Variants in TP53BP1 observed in about 807,000 individuals in gnomAD.
The protein encoded by TP53BP1 is TP53-binding protein 1.
In TP53BP1, 61 loss-of-function variants were observed where a neutral mutation model predicts 200.8. The ratio of observed to expected loss-of-function variants is 0.30; its 90% CI spans 0.25 to 0.38. The LOEUF is 0.38. Ranked by LOEUF, TP53BP1 falls within the 10% of genes least tolerant of loss-of-function variation. The pLI is 1.00. For missense variants in TP53BP1, 2,144 were observed against 2,371.9 expected (o/e 0.90, Z 2.00); for synonymous variants, 822 against 844.3 (o/e 0.97, Z 0.46).
At position 43,479,989 on chromosome 15, in the gene TP53BP1, C is replaced by T. The variant is rs1254946590; in HGVS notation, c.528G>A (p.Gly176=). 6.2e-7 allele frequency: 1 copy of T among 1,614,048 alleles called. No homozygotes were observed. The stretch of plus-strand genomic sequence containing the variant: ...CCTGGCTCTGGGAGAGTTCCAGAAC[C>T]CCAAAACCCAACTGTGATGAGGCAG... ...EDTASSQLGF[G]VLELSQSQDV... is the part of the protein sequence containing the mutation. Residue 176 remains glycine (G), a synonymous_variant, in exon 6 of 28, where the codon GGG becomes GGA. Coordinates refer to ENST00000382044, the MANE Select transcript of TP53BP1 (RefSeq NM_001141980.3).
At chr15:43,411,779 G>A (rs1208245877) in intron 24 of TP53BP1, among the ~76,000 whole-genome samples, 3 of 152,174 alleles carry the variant, frequency 2.0e-5, no homozygotes, top group East Asian at 1.9e-4. Flanking sequence ...TACATCTCAC[G>A]CAGGCACACG....
In TP53BP1 at chr15:43,492,360, T is replaced by A; in HGVS notation, c.116A>T (p.Asp39Val). 6.2e-7 allele frequency: 1 copy of A among 1,614,110 alleles called. No individual in the cohort carries two copies. The highest frequency in any genetic ancestry group is 8.5e-7 in the Non-Finnish European group (1 of 1,179,972). The change falls in exon 2 of 28, where the codon GAT becomes GTT. Residue 39 changes from aspartate to valine, a missense_variant. Transcript: ENST00000382044. Reference sequence around the variant, plus strand: ...CATACTGAAGTGAGAACCAGAATCATCCTCTAGAACCTGGCTTTCAGGCTG... The same window carrying A: ...CATACTGAAGTGAGAACCAGAATCAACCTCTAGAACCTGGCTTTCAGGCTG... ...DSQPESQVLE[D>V]DSGSHFSMLS...
chr15:43,407,638 T>G, intron 27 of TP53BP1, 68 bp from the exon 28 acceptor site: 2 of 1,465,068 alleles, frequency 1.4e-6, no homozygotes, highest in African/African-American at 1.4e-5. Context: ...GAAAGAGAGA[T>G]TTGATTCTAA....
At chr15:43,474,455 CAAAAAAAAAAAAAA>C (rs398043214) in intron 10 of TP53BP1, among the ~76,000 whole-genome samples, 1 of 79,144 alleles carries the variant, frequency 1.3e-5, no homozygotes, top group African/African-American at 3.7e-5. Context: ...TGGGGTTAGA[CAAAAAAAAAAAAAA>C]AAAAAGGAAG....
intron 1 of TP53BP1, among the ~76,000 whole-genome samples, chr15:43,507,440 A>C (rs1024527840): frequency 6.6e-6 from 1 of 152,194 alleles, no homozygotes; most frequent in Non-Finnish European, 1.5e-5. Flanking sequence ...CAGCTAGTCC[A>C]ATTCTTTGTT....
rs1468703001 is a variant in TP53BP1 at position 43,406,773 on chromosome 15, T to A, written c.*610A>T. 2.8e-6 allele frequency: 1 copy of A among 360,354 alleles called. No individual in the cohort carries two copies. The highest frequency in any genetic ancestry group is 5.4e-6 in the Non-Finnish European group (1 of 184,360). The allele number at this position is 360,354 out of a possible 1,614,324, so 22.3% of individuals were successfully genotyped here. On this transcript the variant is annotated 3_prime_UTR_variant, in exon 28 of 28. Coordinates refer to ENST00000382044, the MANE Select transcript of TP53BP1 (RefSeq NM_001141980.3). ...CAGGTGTTCTCACTTGTGCTTCCCA[T>A]GTTTATCTTACGGAAGGTCATTCCA...
intron 11 of TP53BP1, among the ~76,000 whole-genome samples, chr15:43,458,634 G>C (rs955513467): frequency 6.6e-6 from 1 of 151,690 alleles, no homozygotes; most frequent in Non-Finnish European, 1.5e-5. Flanking sequence ...TTAAAAATTA[G>C]CCAGGCATGG....
At position 43,405,892 on chromosome 15, in the gene TP53BP1, T is replaced by C. The variant is rs889251989; in HGVS notation, c.*1491A>G. The C allele has an allele frequency of 6.6e-6, 1 of 151,880 alleles. No homozygotes were observed. Among genetic ancestry groups the C allele is most frequent in the African/African-American group, 2.4e-5 (1 of 41,336 alleles). 9.4% of individuals were successfully genotyped at this position (151,880 alleles called of 1,614,324 possible). A position where few individuals can be genotyped will look rare whatever the true frequency, so the allele number is the denominator to read the frequency against. ...TCGATTCTACTAAAAATACAAAAAT[T>C]AGCCAGGTGTGGTGGCATGTGCCTG... is the stretch of plus-strand genomic sequence containing the variant. On this transcript the variant is annotated 3_prime_UTR_variant, in exon 28 of 28. Transcript: ENST00000382044.
intron 4 of TP53BP1, 32 bp downstream of exon 4, chr15:43,491,637 C>CT (rs1296898557): frequency 1.4e-6 from 2 of 1,481,436 alleles, no homozygotes; most frequent in Non-Finnish European, 1.9e-6. Flanking sequence ...TCTGATAATA[C>CT]ATTTAAATAA....
intron 11 of TP53BP1, among the ~76,000 whole-genome samples, chr15:43,460,878 T>C (rs1325599913): frequency 6.6e-6 from 1 of 151,136 alleles, no homozygotes; most frequent in Non-Finnish European, 1.5e-5. Flanking sequence ...AAAAAAACAT[T>C]AGCTGAGTGT....
Position 43,491,553 on chromosome 15 carries a change from T to A in TP53BP1, c.371+116A>T, listed in dbSNP as rs556729619. On this transcript the variant is annotated intron_variant, in intron 4 of 27. Coordinates refer to ENST00000382044, the MANE Select transcript of TP53BP1 (RefSeq NM_001141980.3). ...TATCTAATACAACCCTCAAGTCCCA[T>A]TTCCTAATCCACAAGAAAGAGATTA... 2.0e-4 allele frequency: 161 copies of A among 822,276 alleles called. No individual in the cohort carries two copies. In the South Asian group the frequency reaches 2.1e-3, roughly 11 times the overall value. 50.9% of individuals were successfully genotyped at this position (822,276 alleles called of 1,614,324 possible).
chr15:43,482,779 A>C (rs1338578177), intron 4 of TP53BP1, among the ~76,000 whole-genome samples: 3 of 152,090 alleles, frequency 2.0e-5, no homozygotes, highest in Non-Finnish European at 4.4e-5. Context: ...AAAAAAAAAA[A>C]ATTTAACCAG....
chr15:43,428,969 A>T (rs2045612729), intron 17 of TP53BP1, among the ~76,000 whole-genome samples: 1 of 152,214 alleles, frequency 6.6e-6, no homozygotes, highest in Non-Finnish European at 1.5e-5. Flanking sequence ...ACTGCTGGAA[A>T]ATTCAGGACA....
At position 43,404,342 on chromosome 15, in the gene TP53BP1, T is replaced by TCCG. The variant is rs1424886669; in HGVS notation, c.*3038_*3040dup. The TCCG allele has an allele frequency of 6.3e-7, 1 of 1,581,306 alleles. No homozygotes were observed. The highest frequency in any genetic ancestry group is 1.4e-5 in the African/African-American group (1 of 74,040). On this transcript the variant is annotated 3_prime_UTR_variant, in exon 28 of 28. Coordinates refer to ENST00000382044, the MANE Select transcript of TP53BP1 (RefSeq NM_001141980.3). ...AAGGCTTTTCCAAGAAACTCCTCCC[T>TCCG]CCGCCCCCATCCTCCATATGGAGAG...
At chr15:43,484,323 C>T (rs2079016214) in intron 4 of TP53BP1, among the ~76,000 whole-genome samples, 1 of 152,180 alleles carries the variant, frequency 6.6e-6, no homozygotes, top group Non-Finnish European at 1.5e-5. Context: ...TCTCACCATT[C>T]TTCATCTGCT....
intron 23 of TP53BP1, chr15:43,414,045 T>C (rs2045201654): frequency 4.4e-6 from 2 of 452,144 alleles, no homozygotes; most frequent in Admixed American, 2.6e-5. Flanking sequence ...AAAAAACAGA[T>C]ACCTGACCTG....
At chr15:43,502,262 G>T (rs2079213259) in intron 1 of TP53BP1, among the ~76,000 whole-genome samples, 1 of 152,108 alleles carries the variant, frequency 6.6e-6, no homozygotes, top group Non-Finnish European at 1.5e-5. Flanking sequence ...GTTCAAGGTT[G>T]CAGTGAGCTA....
chr15:43,431,353 A>G (rs1432853284), intron 17 of TP53BP1, among the ~76,000 whole-genome samples: 1 of 152,120 alleles, frequency 6.6e-6, no homozygotes, highest in Non-Finnish European at 1.5e-5. Flanking sequence ...ACTCAATGAA[A>G]TGTTGTGAAC....
In TP53BP1 at chr15:43,456,094, A is replaced by T; in HGVS notation, c.2514T>A (p.Pro838=). 6.2e-7 allele frequency: 1 copy of T among 1,614,206 alleles called. No homozygotes were observed. The highest frequency in any genetic ancestry group is 8.5e-7 in the Non-Finnish European group (1 of 1,180,030). Reference sequence around the variant, plus strand: ...CATCTGCTCTCACTAAAGGTAAGGAAGGCTGTGAAGAATCTTGCTCTACAG... The same window carrying T: ...CATCTGCTCTCACTAAAGGTAAGGATGGCTGTGAAGAATCTTGCTCTACAG... ...TEPVEQDSSQ[P]SLPLVRADDP... Residue 838 remains proline, a synonymous_variant, in exon 12 of 28, where the codon CCT becomes CCA. Coordinates refer to ENST00000382044, the MANE Select transcript of TP53BP1 (RefSeq NM_001141980.3).
Sources: allele counts gnomAD v4.1 joint callset (sites outside exome capture counted in the v4.1 genomes callset), GRCh38; gene constraint gnomAD v4.1.1; transcripts MANE v1.5; gene names NCBI Gene and HGNC (gene_info 2026-07-23, HGNC 2026-07-21).